The following GRM5 variants were observed in gnomAD, a reference collection of about 807,000 sequenced individuals.
GRM5 encodes glutamate metabotropic receptor 5.
In GRM5, 19 loss-of-function variants were observed where a neutral mutation model predicts 83.1. The observed-to-expected ratio is 0.23, with a 90% CI of 0.16 to 0.34. The LOEUF (loss-of-function observed/expected upper bound fraction) is 0.34. GRM5 is among the 10% of genes least tolerant of loss of function. The pLI, the probability that GRM5 is intolerant of heterozygous loss-of-function variation, is 1.00. For missense variants in GRM5, 1,160 were observed against 1,588.3 expected (o/e 0.73, Z 4.58); for synonymous variants, 675 against 633.6 (o/e 1.07, Z -0.98).
intron 2 of GRM5, among the ~76,000 whole-genome samples, chr11:89,025,553 T>G (rs10430815): frequency 0.32 from 49,056 of 152,002 alleles, 8,991 homozygotes; most frequent in Non-Finnish European, 0.41. Context: ...GAAAACATGT[T>G]CATGATATAT....
At chr11:88,604,393 G>C (rs75497494) in intron 5 of GRM5, among the ~76,000 whole-genome samples, 1 of 152,142 alleles carries the variant, frequency 6.6e-6, no homozygotes, top group Non-Finnish European at 1.5e-5. Context: ...TCTGAATATG[G>C]GGAATAACAT....
intron 5 of GRM5, among the ~76,000 whole-genome samples, chr11:88,603,475 A>G (rs1005436903): frequency 1.3e-5 from 2 of 151,994 alleles, no homozygotes; most frequent in African/African-American, 2.4e-5. Flanking sequence ...CCCTTAAAAG[A>G]TTTACAACTG....
intron 3 of GRM5, among the ~76,000 whole-genome samples, chr11:88,799,785 T>A (rs755137216): frequency 1.3e-5 from 2 of 152,192 alleles, no homozygotes; most frequent in African/African-American, 4.8e-5. Flanking sequence ...CTCCTTTTTC[T>A]TATCCTTCAC....
At chr11:88,818,055 C>T (rs1014352029) in intron 3 of GRM5, among the ~76,000 whole-genome samples, 3 of 151,968 alleles carry the variant, frequency 2.0e-5, no homozygotes, top group African/African-American at 7.2e-5. Flanking sequence ...TAATCTAAAC[C>T]TCAGTTCCTT....
Position 88,897,519 on chromosome 11 carries a change from C to T in GRM5, c.662-47364G>A, listed in dbSNP as rs568324221. The stretch of plus-strand genomic sequence containing the variant: ...GCTTGCAATACTGTTGCTGGGTGAA[C>T]ATCAGCAAGTTACTGATGGTAGTCG... On this transcript the variant is annotated intron_variant, in intron 2 of 9. Coordinates refer to ENST00000305447, the MANE Select transcript of GRM5 (RefSeq NM_001143831.3). 5.9e-5 allele frequency among the ~76,000 whole-genome samples: 9 copies of T among 151,962 alleles called. No homozygotes were observed. In the South Asian group the frequency reaches 1.9e-3, roughly 32 times the overall value.
chr11:88,544,000 G>T (rs908744804), intron 8 of GRM5, among the ~76,000 whole-genome samples: 2 of 151,882 alleles, frequency 1.3e-5, no homozygotes, highest in Admixed American at 1.3e-4. Flanking sequence ...CATGGGAGTG[G>T]GTTAGTTATT....
intron 3 of GRM5, among the ~76,000 whole-genome samples, chr11:88,839,665 C>T (rs1195442867): frequency 2.0e-5 from 3 of 151,986 alleles, no homozygotes; most frequent in Non-Finnish European, 4.4e-5. Flanking sequence ...CTCTCTTTAC[C>T]TCATTTTCCC....
intron 3 of GRM5, among the ~76,000 whole-genome samples, chr11:88,674,924 T>C (rs1379145126): frequency 6.6e-6 from 1 of 151,980 alleles, no homozygotes; most frequent in Non-Finnish European, 1.5e-5. Flanking sequence ...CGTAAGATCC[T>C]TTATCCTGTA....
intron 3 of GRM5, among the ~76,000 whole-genome samples, chr11:88,845,725 G>GCCCCCCCCCC (rs66888159): frequency 6.8e-6 from 1 of 147,338 alleles, no homozygotes; most frequent in African/African-American, 2.6e-5. Context: ...GAACCACCGC[G>GCCCCCCCCCC]CCCCCCCCCA....
At chr11:88,800,591 G>T (rs965187451) in intron 3 of GRM5, among the ~76,000 whole-genome samples, 40 of 152,202 alleles carry the variant, frequency 2.6e-4, no homozygotes, top group African/African-American at 9.4e-4. Context: ...TTTCATAAAT[G>T]AATGATTGTT....
intron 2 of GRM5, chr11:88,984,911 A>G (rs533607957): frequency 1.6e-6 from 1 of 625,694 alleles, no homozygotes. Context: ...TGTTGTTATC[A>G]ATGATATTTT....
In GRM5 at chr11:88,787,577, A is replaced by G. The variant is rs142353800; in HGVS notation, c.911+62329T>C. On this transcript the variant is annotated intron_variant, in intron 3 of 9. Coordinates refer to ENST00000305447, the MANE Select transcript of GRM5 (RefSeq NM_001143831.3). ...TGTGTAGTGCGTGAATAGGACTGTG[A>G]CAAGAATGGAACTGGAATAATAGGA... Among the ~76,000 whole-genome samples, 4 of 152,222 alleles carry G rather than the reference A, an allele frequency of 2.6e-5. No homozygotes were observed. The East Asian group carries it at 7.7e-4, about 29-fold the overall frequency.
chr11:88,942,505 A>C (rs1340673228), intron 2 of GRM5, among the ~76,000 whole-genome samples: 1 of 151,974 alleles, frequency 6.6e-6, no homozygotes, highest in Non-Finnish European at 1.5e-5. Flanking sequence ...TGCAGTGGGG[A>C]CTGGCTTCCT....
intron 3 of GRM5, among the ~76,000 whole-genome samples, chr11:88,720,545 C>T (rs1475732896): frequency 1.3e-5 from 2 of 151,414 alleles, no homozygotes; most frequent in Non-Finnish European, 1.5e-5. Flanking sequence ...TGAAGTTTCA[C>T]CCCACAAATC....
intron 8 of GRM5, among the ~76,000 whole-genome samples, chr11:88,558,917 A>G (rs1280440203): frequency 6.6e-6 from 1 of 151,918 alleles, no homozygotes; most frequent in Non-Finnish European, 1.5e-5. Flanking sequence ...TCTTGGAGGG[A>G]AAAATTAGTA....
intron 3 of GRM5, among the ~76,000 whole-genome samples, chr11:88,745,707 G>A (rs984805172): frequency 6.6e-6 from 1 of 152,218 alleles, no homozygotes; most frequent in Non-Finnish European, 1.5e-5. Context: ...AACACCCAGT[G>A]TGAGACCTCA....
At chr11:89,020,471 G>C (rs981637791) in intron 2 of GRM5, among the ~76,000 whole-genome samples, 1 of 152,176 alleles carries the variant, frequency 6.6e-6, no homozygotes, top group African/African-American at 2.4e-5. Context: ...TAGACTGTTG[G>C]AATTGCTAAA....
intron 3 of GRM5, among the ~76,000 whole-genome samples, chr11:88,786,814 T>C (rs978084706): frequency 2.8e-4 from 43 of 152,198 alleles, no homozygotes; most frequent in African/African-American, 1.0e-3. Context: ...TCCACTTAAA[T>C]ATGAGCTTCA....
chr11:88,862,957 GAACA>G (rs1472736907), intron 2 of GRM5, among the ~76,000 whole-genome samples: 2 of 152,132 alleles, frequency 1.3e-5, no homozygotes, highest in Non-Finnish European at 2.9e-5. Context: ...CAAAGGCCAT[GAACA>G]AACACTTCTC....
Sources: gnomAD v4.1 joint callset for allele counts (sites outside exome capture counted in the v4.1 genomes callset) on GRCh38, gnomAD v4.1.1 for gene constraint, MANE v1.5 for transcripts, NCBI Gene and HGNC (gene_info 2026-07-23, HGNC 2026-07-21) for gene names.